TM4SF20: variants seen among roughly 807,000 people sequenced by gnomAD.
TM4SF20 encodes transmembrane 4 L six family member 20.
In TM4SF20, 13 loss-of-function variants were observed where a neutral mutation model predicts 15.1. That is an observed-to-expected ratio of 0.86 (90% CI 0.56 to 1.36). The LOEUF is 1.36. Among genes scored for constraint, TM4SF20 ranks in the 40% most tolerant of loss-of-function variants. The probability of loss-of-function intolerance (pLI) is 0.00; values close to 1 mark genes in which losing one functional copy is unlikely to be tolerated. For synonymous variants in TM4SF20, 92 were observed against 96.6 expected, an observed-to-expected ratio of 0.95 and a Z score of 0.28; for missense variants, 282 against 268.4, an observed-to-expected ratio of 1.05 and a Z score of -0.35.
intron 3 of TM4SF20, among the ~76,000 whole-genome samples, chr2:227,364,454 C>G (rs2076381098): frequency 6.6e-6 from 1 of 151,228 alleles, no homozygotes; most frequent in Non-Finnish European, 1.5e-5. Context: ...GTTCTTCAAC[C>G]AGATGTACAG....
chr2:227,363,073 C>T lies in TM4SF20; in HGVS notation c.*651G>A, dbSNP rs986686132. 2 of 152,092 alleles carry T rather than the reference C, an allele frequency of 1.3e-5. No homozygotes were observed. Among genetic ancestry groups the T allele is most frequent in the Non-Finnish European group, 2.9e-5 (2 of 68,006 alleles). 9.4% of individuals were successfully genotyped at this position (152,092 alleles called of 1,614,324 possible). A position where few individuals can be genotyped will look rare whatever the true frequency, so the allele number is the denominator to read the frequency against. ...GCAAGCTGAGAATTAGATCTAAAGA[C>T]TTGATTGCATTCAGGTTATGTATTT... On this transcript the variant is annotated 3_prime_UTR_variant, in exon 4 of 4. Coordinates refer to ENST00000304568, the MANE Select transcript of TM4SF20 (RefSeq NM_024795.4).
At chr2:227,372,180 C>G (rs1213223484) in intron 1 of TM4SF20, among the ~76,000 whole-genome samples, 1 of 152,168 alleles carries the variant, frequency 6.6e-6, no homozygotes, top group Non-Finnish European at 1.5e-5. Flanking sequence ...CTGGCGAATG[C>G]CAGACTCTGT....
chr2:227,369,497 C>T (rs1306824465), intron 2 of TM4SF20, among the ~76,000 whole-genome samples: 5 of 142,456 alleles, frequency 3.5e-5, no homozygotes, highest in Non-Finnish European at 6.0e-5. Flanking sequence ...GATGTGATCT[C>T]GGCTCACTGA....
rs2076367084 is a variant in TM4SF20 at position 227,362,555 on chromosome 2, C to T, written c.*1169G>A. On this transcript the variant is annotated 3_prime_UTR_variant, in exon 4 of 4. Coordinates refer to ENST00000304568, the MANE Select transcript of TM4SF20 (RefSeq NM_024795.4). ...AACACCACAAGTGGAAAATTCCATA[C>T]CTGACCTCATGTGATGAGTTGCAGT... 1 of 152,098 alleles carries T rather than the reference C, an allele frequency of 6.6e-6. No homozygotes were observed. Among genetic ancestry groups the T allele is most frequent in the African/African-American group, 2.4e-5 (1 of 41,422 alleles). The allele number at this position is 152,098 out of a possible 1,614,324, so 9.4% of individuals were successfully genotyped here.
At chr2:227,373,613 T>C (rs1035987846) in intron 1 of TM4SF20, among the ~76,000 whole-genome samples, 1 of 152,114 alleles carries the variant, frequency 6.6e-6, no homozygotes, top group African/African-American at 2.4e-5. Context: ...ATGGCTACTT[T>C]TGTGCACCAA....
chr2:227,377,432 T>G (rs2076456590), intron 1 of TM4SF20, among the ~76,000 whole-genome samples: 1 of 152,204 alleles, frequency 6.6e-6, no homozygotes, highest in Non-Finnish European at 1.5e-5. Flanking sequence ...CATGGCAGTG[T>G]GAAGAAATAG....
chr2:227,370,923 T>G lies in TM4SF20; in HGVS notation c.241A>C (p.Arg81=), dbSNP rs773067307. ...TARKRACCNN[R]TGMFLSSLFS... is the part of the protein sequence containing the mutation. ...GACTGCTTCATACTTACTCCAGTTC[T>G]GTTGTTGCAGCACGCTCTTTTTCTT... is the stretch of plus-strand genomic sequence containing the variant. The change falls in exon 2 of 4, where the codon AGA becomes CGA. Residue 81 remains arginine, a synonymous_variant. Coordinates refer to ENST00000304568, the MANE Select transcript of TM4SF20 (RefSeq NM_024795.4). 1 of 1,614,032 alleles carries G rather than the reference T, an allele frequency of 6.2e-7. No homozygotes were observed. Among genetic ancestry groups the G allele is most frequent in the South Asian group, 1.1e-5 (1 of 91,082 alleles).
At chr2:227,378,535 G>A (rs1053004068) in intron 1 of TM4SF20, among the ~76,000 whole-genome samples, 2 of 152,124 alleles carry the variant, frequency 1.3e-5, no homozygotes, top group Non-Finnish European at 2.9e-5. Context: ...TATAATAGCT[G>A]AGTCAAAAAT....
intron 1 of TM4SF20, among the ~76,000 whole-genome samples, chr2:227,375,904 T>C (rs1434754558): frequency 6.6e-6 from 1 of 152,228 alleles, no homozygotes; most frequent in Non-Finnish European, 1.5e-5. Flanking sequence ...CACAACCTCA[T>C]ATAAAATAAA....
At position 227,379,230 on chromosome 2, in the gene TM4SF20, G is replaced by A. The variant is rs751089450; in HGVS notation, c.39C>T (p.Phe13=). The A allele has an allele frequency of 1.8e-5, 29 of 1,614,086 alleles. No individual in the cohort carries two copies. The South Asian group carries it at 2.9e-4, about 16-fold the overall frequency. ...CCEGWTSCNG[F]SLLVLLLLGV... ...CTAACAGCAGTAGAACCAGCAGGCTGAATCCATTGCAGGATGTCCATCCTT... is the reference window on the plus strand; with the variant it reads ...CTAACAGCAGTAGAACCAGCAGGCTAAATCCATTGCAGGATGTCCATCCTT... Residue 13 remains phenylalanine, a synonymous_variant, in exon 1 of 4, where the codon TTC becomes TTT. Coordinates refer to ENST00000304568, the MANE Select transcript of TM4SF20 (RefSeq NM_024795.4).
At chr2:227,373,271 T>C (rs1481338663) in intron 1 of TM4SF20, among the ~76,000 whole-genome samples, 1 of 152,216 alleles carries the variant, frequency 6.6e-6, no homozygotes, top group Non-Finnish European at 1.5e-5. Flanking sequence ...ACTGCCTCCA[T>C]GTCACTTTGT....
Position 227,362,204 on chromosome 2 carries a change from A to G in TM4SF20, c.*1520T>C, listed in dbSNP as rs1342971617. On this transcript the variant is annotated 3_prime_UTR_variant, in exon 4 of 4. Transcript: ENST00000304568. ...TTTACAACATTTTAATGTGATAAAT[A>G]CCCTTGTTATCCTGTTTTTTAAAGA... 1 of 152,198 alleles carries G rather than the reference A, an allele frequency of 6.6e-6. No individual in the cohort carries two copies. The highest frequency in any genetic ancestry group is 1.5e-5 in the Non-Finnish European group (1 of 68,028). 9.4% of individuals were successfully genotyped at this position (152,198 alleles called of 1,614,324 possible). A position where few individuals can be genotyped will look rare whatever the true frequency, so the allele number is the denominator to read the frequency against.
chr2:227,372,967 C>T (rs114320405), intron 1 of TM4SF20, among the ~76,000 whole-genome samples: 133 of 152,236 alleles, frequency 8.7e-4, no homozygotes, highest in African/African-American at 2.9e-3. Context: ...GTGATCGCCT[C>T]GGCCTCCTAA....
At chr2:227,364,303 T>G (rs1232873616) in intron 3 of TM4SF20, among the ~76,000 whole-genome samples, 1 of 152,094 alleles carries the variant, frequency 6.6e-6, no homozygotes, top group Non-Finnish European at 1.5e-5. Flanking sequence ...TGTCAACAGT[T>G]TTTCGTGGTT....
chr2:227,375,765 A>G (rs1487847817), intron 1 of TM4SF20, among the ~76,000 whole-genome samples: 27 of 152,206 alleles, frequency 1.8e-4, no homozygotes, highest in Admixed American at 1.8e-3. Flanking sequence ...CTGGGATTAC[A>G]GACATGAGCC....
intron 1 of TM4SF20, among the ~76,000 whole-genome samples, chr2:227,376,706 T>G (rs1302443693): frequency 3.9e-5 from 6 of 152,230 alleles, no homozygotes; most frequent in Non-Finnish European, 8.8e-5. Flanking sequence ...TCACTTGACT[T>G]TATGGATTAA....
intron 1 of TM4SF20, among the ~76,000 whole-genome samples, chr2:227,374,641 G>GT (rs2076438323): frequency 1.3e-5 from 2 of 152,060 alleles, no homozygotes; most frequent in African/African-American, 2.4e-5. Flanking sequence ...CCCCCTAATT[G>GT]TATTTAGTTT....
intron 1 of TM4SF20, among the ~76,000 whole-genome samples, chr2:227,375,432 A>C (rs896369229): frequency 6.6e-5 from 10 of 152,112 alleles, no homozygotes; most frequent in Admixed American, 5.2e-4. Context: ...AACCCACAAA[A>C]GTATATTTTA....
chr2:227,366,765 G>A (rs1315420888), intron 2 of TM4SF20, among the ~76,000 whole-genome samples: 5 of 130,248 alleles, frequency 3.8e-5, no homozygotes, highest in African/African-American at 8.3e-5. Flanking sequence ...AAGATGGTTT[G>A]GCTTGTCACT....
Sources: gnomAD v4.1 joint callset for allele counts (sites outside exome capture counted in the v4.1 genomes callset) on GRCh38, gnomAD v4.1.1 for gene constraint, MANE v1.5 for transcripts, NCBI Gene and HGNC (gene_info 2026-07-23, HGNC 2026-07-21) for gene names.